The following MID2 variants were observed in gnomAD, a reference collection of about 807,000 sequenced individuals.
MID2 encodes midline 2, also known as probable E3 ubiquitin-protein ligase MID2.
A neutral mutation model predicts 46.1 loss-of-function variants in MID2; 13 were observed. That is an observed-to-expected ratio of 0.28 (90% CI 0.18 to 0.45). The LOEUF (loss-of-function observed/expected upper bound fraction) is 0.45, where lower values mean the gene tolerates loss of function less well. MID2 is among the 20% of genes least tolerant of loss of function. MID2 has a pLI of 1.00. For missense variants in MID2, 431 were observed against 575.4 expected, an observed-to-expected ratio of 0.75 and a Z score of 2.57; for synonymous variants, 199 against 212.3, an observed-to-expected ratio of 0.94 and a Z score of 0.55.
In MID2 at chrX:107,915,776, T is replaced by G. The variant is rs372762910; in HGVS notation, c.1074-226T>G. Among the ~76,000 whole-genome samples the G allele has an allele frequency of 1.7e-3, 190 of 111,492 alleles. 1 individual carries two copies. Among genetic ancestry groups the G allele is most frequent in the African/African-American group, 5.8e-3 (178 of 30,700 alleles). On this transcript the variant is annotated intron_variant, in intron 5 of 9. Coordinates refer to ENST00000262843, the MANE Select transcript of MID2 (RefSeq NM_012216.4). The stretch of plus-strand genomic sequence containing the variant: ...AAAATTAAGACCGGATGGGGGAGTG[T>G]GTTTGAGGGGTGAACATATGTGAAT...
At chrX:107,876,152 C>T (rs1043554552) in intron 3 of MID2, among the ~76,000 whole-genome samples, 5 of 110,969 alleles carry the variant, frequency 4.5e-5, no homozygotes, top group Admixed American at 2.9e-4. Flanking sequence ...CCTCAGGAAT[C>T]CTGGGGTTTG....
intron 1 of MID2, among the ~76,000 whole-genome samples, chrX:107,839,258 CTAGGCAAT>C (rs1298100622): frequency 9.0e-6 from 1 of 111,579 alleles, no homozygotes; most frequent in East Asian, 2.8e-4. Context: ...ATGGAAGACT[CTAGGCAAT>C]TAAGAATTAG....
At chrX:107,880,817 C>T (rs1200561022) in intron 3 of MID2, among the ~76,000 whole-genome samples, 8 of 112,246 alleles carry the variant, frequency 7.1e-5, no homozygotes, top group Non-Finnish European at 1.5e-4. Flanking sequence ...ATAAACTAAG[C>T]GTCTCCTAAA....
intron 2 of MID2, among the ~76,000 whole-genome samples, chrX:107,850,189 GACACACACAC>G (rs201492124): frequency 1.2e-3 from 125 of 102,177 alleles, no homozygotes; most frequent in African/African-American, 4.2e-3. Context: ...CACACACACA[GACACACACAC>G]ACACACACAC....
chrX:107,856,638 T>G (rs1467844963), intron 3 of MID2, among the ~76,000 whole-genome samples: 1 of 111,780 alleles, frequency 8.9e-6, no homozygotes, highest in Non-Finnish European at 1.9e-5. Flanking sequence ...CAAACCTTTA[T>G]GTTCAGGGCC....
chrX:107,850,918 C>G (rs944302827), intron 2 of MID2, among the ~76,000 whole-genome samples: 1 of 111,829 alleles, frequency 8.9e-6, no homozygotes, highest in Admixed American at 9.5e-5. Context: ...GGTTGAGGTA[C>G]TTGTTAAAAA....
In MID2 at chrX:107,926,725, G is replaced by T. The variant is rs1467458531; in HGVS notation, c.1860G>T (p.Lys620Asn). ...KSAPKNEWIGKNASSWVFSRC... is the reference protein window; with the variant it reads ...KSAPKNEWIGNNASSWVFSRC... The stretch of plus-strand genomic sequence containing the variant: ...CTCCAAAGAATGAATGGATTGGCAA[G>T]AATGCCTCCTCATGGGTCTTCTCTC... The change falls in exon 10 of 10, where the codon AAG becomes AAT. Residue 620 changes from lysine (K) to asparagine (N), a missense_variant. Transcript: ENST00000262843. The T allele has an allele frequency of 8.3e-7, 1 of 1,210,958 alleles. No individual in the cohort carries two copies. The highest frequency in any genetic ancestry group is 1.1e-6 in the Non-Finnish European group (1 of 894,875).
intron 3 of MID2, among the ~76,000 whole-genome samples, chrX:107,877,197 A>G (rs968595762): frequency 1.8e-5 from 2 of 112,418 alleles, no homozygotes; most frequent in African/African-American, 6.5e-5. Context: ...GCCTCAGACC[A>G]TCTGTCCTCA....
chrX:107,903,308 G>T (rs1932809361), intron 3 of MID2, among the ~76,000 whole-genome samples: 1 of 105,982 alleles, frequency 9.4e-6, no homozygotes, highest in Non-Finnish European at 1.9e-5. Flanking sequence ...TCCATGGAAA[G>T]AAAATGCAGA....
At chrX:107,914,953 G>A (rs1373425392) in intron 5 of MID2, among the ~76,000 whole-genome samples, 1 of 112,109 alleles carries the variant, frequency 8.9e-6, no homozygotes, top group African/African-American at 3.2e-5. Context: ...TTCGCAAAAT[G>A]GAAATAACAT....
chrX:107,851,768 TC>T (rs1335731846), intron 2 of MID2, among the ~76,000 whole-genome samples: 1 of 111,325 alleles, frequency 9.0e-6, no homozygotes, highest in Non-Finnish European at 1.9e-5. Context: ...TCCAGCTGCG[TC>T]CCCCACTACT....
intron 3 of MID2, among the ~76,000 whole-genome samples, chrX:107,878,319 A>G (rs1392287876): frequency 1.7e-5 from 1 of 60,423 alleles, no homozygotes; most frequent in Non-Finnish European, 2.8e-5. Context: ...CCCAGCCAGG[A>G]GGGGAGGGGA....
intron 5 of MID2, among the ~76,000 whole-genome samples, chrX:107,909,594 G>A (rs1208730462): frequency 1.8e-5 from 2 of 111,962 alleles, no homozygotes; most frequent in Non-Finnish European, 3.8e-5. Flanking sequence ...GCTCTGCCTG[G>A]ATTTCCCCTT....
intron 3 of MID2, among the ~76,000 whole-genome samples, chrX:107,855,026 T>C (rs1931710671): frequency 9.0e-6 from 1 of 111,495 alleles, no homozygotes; most frequent in Non-Finnish European, 1.9e-5. Context: ...TATCACTCCT[T>C]AAAGAGATTA....
intron 3 of MID2, among the ~76,000 whole-genome samples, chrX:107,893,275 A>G (rs186433878): frequency 0.011 from 1,270 of 112,175 alleles, 14 homozygotes; most frequent in Non-Finnish European, 0.017. Context: ...CGTGTAAAAA[A>G]CACAGTCTTT....
intron 3 of MID2, among the ~76,000 whole-genome samples, chrX:107,900,944 T>C (rs1028010749): frequency 1.8e-5 from 2 of 112,246 alleles, no homozygotes; most frequent in East Asian, 5.6e-4. Flanking sequence ...GAAAAGATGC[T>C]TGATAAGATG....
intron 2 of MID2, among the ~76,000 whole-genome samples, chrX:107,849,239 T>C (rs1460147724): frequency 8.9e-6 from 1 of 112,099 alleles, no homozygotes; most frequent in Non-Finnish European, 1.9e-5. Flanking sequence ...TAATACAGAT[T>C]ACACCCCCTT....
intron 3 of MID2, among the ~76,000 whole-genome samples, chrX:107,860,895 C>G (rs1038630817): frequency 1.8e-5 from 2 of 111,945 alleles, no homozygotes; most frequent in Admixed American, 1.9e-4. Context: ...CAAGTTCATG[C>G]CACTGGTAGG....
chrX:107,927,238 G>T lies in MID2; in HGVS notation c.*165G>T, dbSNP rs1569472443. 2.1e-5 allele frequency: 9 copies of T among 421,633 alleles called. No individual in the cohort carries two copies. In the Middle Eastern group the frequency reaches 2.7e-3, roughly 126 times the overall value. The allele number at this position is 421,633 out of a possible 1,213,427, so 34.7% of individuals were successfully genotyped here. A position where few individuals can be genotyped will look rare whatever the true frequency, so the allele number is the denominator to read the frequency against. ...TTTTTGTGCATTAAAGCTTGTATTT[G>T]AATTAATTTATTGAGTTTTTCAGAA... On this transcript the variant is annotated 3_prime_UTR_variant, in exon 10 of 10. Coordinates refer to ENST00000262843, the MANE Select transcript of MID2 (RefSeq NM_012216.4).
Sources: allele counts gnomAD v4.1 joint callset (sites outside exome capture counted in the v4.1 genomes callset), GRCh38; gene constraint gnomAD v4.1.1; transcripts MANE v1.5; gene names NCBI Gene and HGNC (gene_info 2026-07-23, HGNC 2026-07-21).